Variants in PHACTR2 observed in about 807,000 individuals in gnomAD.
PHACTR2 encodes the protein phosphatase and actin regulator 2.
Under a neutral mutation model 76.0 loss-of-function variants are expected in PHACTR2, and 30 were observed. That is an observed-to-expected ratio of 0.39 (90% CI 0.30 to 0.54). The LOEUF (loss-of-function observed/expected upper bound fraction) is 0.54. Among genes scored for constraint, PHACTR2 ranks in the 20% least tolerant of loss-of-function variants. The pLI is 0.61. For missense variants in PHACTR2, 696 were observed against 781.1 expected (o/e 0.89, Z 1.30); for synonymous variants, 292 against 292.5 (o/e 1.00, Z 0.02).
chr6:143,703,526 A>C (rs1438999116), intron 1 of PHACTR2, among the ~76,000 whole-genome samples: 1 of 152,252 alleles, frequency 6.6e-6, no homozygotes, highest in East Asian at 1.9e-4. Flanking sequence ...GGTTACGAGC[A>C]ATCTTCCTCC....
In PHACTR2 at chr6:143,599,639, A is replaced by G. The variant is rs1424628618; in HGVS notation, c.217+62432A>G. On this transcript the variant is annotated intron_variant, in intron 1 of 11. Transcript: ENST00000367584. This position sits in a 1 kb window ranked among gnomAD's most constrained non-coding sequence, Gnocchi z 4.6. ...TAGAATACTTGTTTGATGAATCCCA[A>G]ACAGCCTACGGAGGAAATTTTTTGA... is the stretch of plus-strand genomic sequence containing the variant. 1.3e-5 allele frequency among the ~76,000 whole-genome samples: 2 copies of G among 152,210 alleles called. No individual in the cohort carries two copies. Among genetic ancestry groups the G allele is most frequent in the East Asian group, 1.9e-4 (1 of 5,194 alleles).
At chr6:143,579,764 A>AAAT (rs79782924) in intron 1 of PHACTR2, among the ~76,000 whole-genome samples, 1 of 151,796 alleles carries the variant, frequency 6.6e-6, no homozygotes, top group African/African-American at 2.4e-5. Context: ...CTGTATGAAA[A>AAAT]ACTACCCTAC....
Position 143,608,323 on chromosome 6 carries a change from G to A in PHACTR2, c.13+1G>A, listed in dbSNP as rs1449405645. 1 of 1,614,028 alleles carries A rather than the reference G, an allele frequency of 6.2e-7. No individual in the cohort carries two copies. Among genetic ancestry groups the A allele is most frequent in the African/African-American group, 1.3e-5 (1 of 74,936 alleles). On this transcript the variant is annotated splice_donor_variant, in intron 1 of 11. Coordinates refer to the PHACTR2 transcript ENST00000305766. LOFTEE classifies it high-confidence loss of function. This position sits in a 1 kb window ranked among gnomAD's most constrained non-coding sequence, Gnocchi z 4.6. ...CACTCCTGAGACATGGACAACGCCGGTGGGTAAATCAAGCATGAATTCTTC... is the reference window on the plus strand; with the variant it reads ...CACTCCTGAGACATGGACAACGCCGATGGGTAAATCAAGCATGAATTCTTC...
At chr6:143,785,451 C>A (rs535668477) in intron 10 of PHACTR2, among the ~76,000 whole-genome samples, 1 of 152,282 alleles carries the variant, frequency 6.6e-6, no homozygotes, top group African/African-American at 2.4e-5. Flanking sequence ...CTTTCACAGA[C>A]TAGTGTTGAG....
At position 143,822,523 on chromosome 6, in the gene PHACTR2, TAAA is replaced by T. The variant is rs1776442559; in HGVS notation, c.1923-1148_1923-1146del. Among the ~76,000 whole-genome samples, 1 of 152,118 alleles carries T rather than the reference TAAA, an allele frequency of 6.6e-6. No homozygotes were observed. Among genetic ancestry groups the T allele is most frequent in the Admixed American group, 6.5e-5 (1 of 15,268 alleles). On this transcript the variant is annotated intron_variant, in intron 12 of 12. Coordinates refer to ENST00000440869, the MANE Select transcript of PHACTR2 (RefSeq NM_001100164.2). This position sits in a 1 kb window ranked among gnomAD's most constrained non-coding sequence, Gnocchi z 5.5. ...TCTAATTAAAAATAAAAAAAGATTT[TAAA>T]AACCCCAAGAACTGAAATGATGGAA...
At chr6:143,614,306 A>C (rs772616180) in intron 1 of PHACTR2, among the ~76,000 whole-genome samples, 5 of 152,212 alleles carry the variant, frequency 3.3e-5, no homozygotes, top group Non-Finnish European at 7.3e-5. Flanking sequence ...GGAATACAGA[A>C]TGCAGCATTT....
At chr6:143,691,522 T>C (rs942421734) in intron 1 of PHACTR2, among the ~76,000 whole-genome samples, 16 of 152,250 alleles carry the variant, frequency 1.1e-4, no homozygotes, top group African/African-American at 3.9e-4. Context: ...ATTTTGTTAA[T>C]ATTATAAGCA....
intron 2 of PHACTR2, among the ~76,000 whole-genome samples, chr6:143,721,967 T>C (rs1314532784): frequency 6.6e-6 from 1 of 152,186 alleles, no homozygotes; most frequent in Non-Finnish European, 1.5e-5. Context: ...ATGGTGACTT[T>C]TCCAAAAGTT....
chr6:143,559,409 G>A (rs563795582), intron 1 of PHACTR2, among the ~76,000 whole-genome samples: 19 of 152,286 alleles, frequency 1.2e-4, no homozygotes, highest in African/African-American at 4.6e-4. Context: ...AGAGGAAGAA[G>A]CAGAGGATTC....
intron 1 of PHACTR2, among the ~76,000 whole-genome samples, chr6:143,635,227 A>G (rs1360806253): frequency 6.6e-6 from 1 of 152,158 alleles, no homozygotes; most frequent in African/African-American, 2.4e-5. Flanking sequence ...ATCTATCCAT[A>G]TTGATATACA....
At chr6:143,788,487 C>T (rs1775603066) in intron 10 of PHACTR2, among the ~76,000 whole-genome samples, 1 of 152,098 alleles carries the variant, frequency 6.6e-6, no homozygotes, top group Admixed American at 6.5e-5. Context: ...GGATGATAGA[C>T]CTTTATCACA....
rs1297188621 is a variant in PHACTR2, at chr6:143,700,743, A to G, written c.47-11273A>G. Among the ~76,000 whole-genome samples, 1 of 152,178 alleles carries G rather than the reference A, an allele frequency of 6.6e-6. No individual in the cohort carries two copies. The highest frequency in any genetic ancestry group is 1.5e-5 in the Non-Finnish European group (1 of 68,032). On this transcript the variant is annotated intron_variant, in intron 1 of 12. Transcript: ENST00000440869. This position sits in a 1 kb window ranked among gnomAD's most constrained non-coding sequence, Gnocchi z 4.1. ...AATTCTTTCACTTGGCAGATTGTCC[A>G]TTGGGGATATATCAGCTTTTTCTTC...
At chr6:143,724,725 T>G (rs182144945) in intron 2 of PHACTR2, among the ~76,000 whole-genome samples, 1 of 152,350 alleles carries the variant, frequency 6.6e-6, no homozygotes, top group East Asian at 1.9e-4. Flanking sequence ...ATGGGGCTTT[T>G]TTGTTGAGCC....
At position 143,697,685 on chromosome 6, in the gene PHACTR2, A is replaced by G. The variant is rs912315221; in HGVS notation, c.47-14331A>G. ...TCTTTCAAAATATTTGGAATTCTAC[A>G]GGAAGGCACTGTTGGAAACAATTTC... On this transcript the variant is annotated intron_variant, in intron 1 of 12. Coordinates refer to ENST00000440869, the MANE Select transcript of PHACTR2 (RefSeq NM_001100164.2). The surrounding 1 kb of genome is among the most constrained non-coding windows in gnomAD (Gnocchi z 4.4). Among the ~76,000 whole-genome samples, 1 of 152,240 alleles carries G rather than the reference A, an allele frequency of 6.6e-6. No individual in the cohort carries two copies. Among genetic ancestry groups the G allele is most frequent in the African/African-American group, 2.4e-5 (1 of 41,472 alleles).
rs554581732 is a variant in PHACTR2 at position 143,827,631 on chromosome 6, A to T, written c.*3942A>T. On this transcript the variant is annotated 3_prime_UTR_variant, in exon 13 of 13. Transcript: ENST00000440869. Reference sequence around the variant, plus strand: ...TTATATGAAGCCTATCATTACTAGGAAAAGTATATTCTTTGGGATAAGAAT... The same window carrying T: ...TTATATGAAGCCTATCATTACTAGGTAAAGTATATTCTTTGGGATAAGAAT... The T allele has an allele frequency of 6.6e-6, 1 of 152,124 alleles. No homozygotes were observed. The highest frequency in any genetic ancestry group is 1.5e-5 in the Non-Finnish European group (1 of 68,012). 9.4% of individuals were successfully genotyped at this position (152,124 alleles called of 1,614,324 possible).
At position 143,596,587 on chromosome 6, in the gene PHACTR2, C is replaced by T. The variant is rs545627917; in HGVS notation, c.217+59380C>T. 2.0e-4 allele frequency among the ~76,000 whole-genome samples: 30 copies of T among 152,168 alleles called. No individual in the cohort carries two copies. The South Asian group carries it at 4.8e-3, about 24-fold the overall frequency. ...GGCACTGTGGCTCATGCCTGTAATC[C>T]CAGCATTATGGGATGCCAAGGTGGG... On this transcript the variant is annotated intron_variant, in intron 1 of 11. Coordinates refer to the PHACTR2 transcript ENST00000367584. The surrounding 1 kb of genome is among the most constrained non-coding windows in gnomAD (Gnocchi z 4.6).
intron 1 of PHACTR2, among the ~76,000 whole-genome samples, chr6:143,651,775 G>T (rs1776768447): frequency 6.6e-6 from 1 of 151,824 alleles, no homozygotes; most frequent in Non-Finnish European, 1.5e-5. Context: ...GGGTTGATCT[G>T]TACAGCAAAC....
chr6:143,771,768 C>T (rs10080355), intron 6 of PHACTR2, among the ~76,000 whole-genome samples: 104,112 of 152,010 alleles, frequency 0.68, 36,174 homozygotes, highest in East Asian at 0.93. Context: ...TACTTTTCTA[C>T]GTCATTACCT....
intron 1 of PHACTR2, among the ~76,000 whole-genome samples, chr6:143,579,581 C>A (rs1775550242): frequency 6.6e-6 from 1 of 152,074 alleles, no homozygotes; most frequent in Admixed American, 6.6e-5. Context: ...GGAACCCCCC[C>A]AATAAGGCAC....
Sources: gnomAD v4.1 joint callset for allele counts (sites outside exome capture counted in the v4.1 genomes callset) on GRCh38, gnomAD v4.1.1 for gene constraint, Gnocchi (gnomAD v3.1) non-coding constraint, MANE v1.5 for transcripts, NCBI Gene and HGNC (gene_info 2026-07-23, HGNC 2026-07-21) for gene names.